Variants in PPME1 observed in about 807,000 individuals in gnomAD.
The protein encoded by PPME1 is testicular secretory protein Li 39.
Under a neutral mutation model 56.9 loss-of-function variants are expected in PPME1, and 17 were observed. The observed-to-expected ratio is 0.30, with a 90% CI of 0.20 to 0.45. The LOEUF is 0.45. PPME1 is among the 20% of genes least tolerant of loss of function. The pLI, the probability that PPME1 is intolerant of heterozygous loss-of-function variation, is 1.00. For missense variants in PPME1, 357 were observed against 483.2 expected (o/e 0.74, Z 2.45); for synonymous variants, 122 against 156.2 (o/e 0.78, Z 1.63).
intron 4 of PPME1, among the ~76,000 whole-genome samples, chr11:74,224,149 GC>G (rs1282644567): frequency 6.7e-6 from 1 of 148,852 alleles, no homozygotes; most frequent in Non-Finnish European, 1.5e-5. Flanking sequence ...TCCAGTGTCA[GC>G]TTTCTACATA....
intron 3 of PPME1, among the ~76,000 whole-genome samples, chr11:74,218,328 C>T (rs1858710549): frequency 6.6e-6 from 1 of 152,134 alleles, no homozygotes; most frequent in Admixed American, 6.6e-5. Flanking sequence ...GTCCGTAGCA[C>T]CCAAAACAAT....
At chr11:74,197,697 G>GTCTCCT (rs1858025037) in intron 1 of PPME1, among the ~76,000 whole-genome samples, 2 of 152,212 alleles carry the variant, frequency 1.3e-5, no homozygotes, top group African/African-American at 4.8e-5. Flanking sequence ...GAACTGATAA[G>GTCTCCT]AATGCAGTAT....
At chr11:74,174,408 A>G (rs1398232662) in intron 1 of PPME1, among the ~76,000 whole-genome samples, 2 of 152,148 alleles carry the variant, frequency 1.3e-5, no homozygotes, top group Non-Finnish European at 2.9e-5. Flanking sequence ...GTCGTAATTT[A>G]TGAAGTCTCA....
intron 1 of PPME1, among the ~76,000 whole-genome samples, chr11:74,183,933 G>A (rs1489632026): frequency 1.3e-5 from 2 of 152,156 alleles, no homozygotes; most frequent in Non-Finnish European, 2.9e-5. Context: ...CAATAGTTTA[G>A]AATTGTCCAT....
intron 1 of PPME1, among the ~76,000 whole-genome samples, chr11:74,200,759 G>A (rs900712539): frequency 2.6e-5 from 4 of 152,106 alleles, no homozygotes; most frequent in African/African-American, 7.2e-5. Context: ...TTTGGAGATG[G>A]AGAATTATTG....
chr11:74,237,487 G>GT (rs1859223475), intron 8 of PPME1, among the ~76,000 whole-genome samples: 1 of 151,976 alleles, frequency 6.6e-6, no homozygotes, highest in African/African-American at 2.4e-5. Flanking sequence ...GTGTTAGCCA[G>GT]GATGGTCTCT....
Position 74,193,647 on chromosome 11 carries a change from TCTTAA to T in PPME1, c.102-10077_102-10073del, listed in dbSNP as rs530798843. Among the ~76,000 whole-genome samples, 479 of 152,344 alleles carry T rather than the reference TCTTAA, an allele frequency of 3.1e-3. 3 individuals carry two copies. In the Middle Eastern group the frequency reaches 0.034, roughly 11 times the overall value. ...ACTTATTTACTCTTCCCTTCATATT[TCTTAA>T]CTTTTGTATTTTCCATCTTCTATTT... On this transcript the variant is annotated intron_variant, in intron 1 of 13. Coordinates refer to ENST00000328257, the MANE Select transcript of PPME1 (RefSeq NM_016147.3).
chr11:74,228,057 G>A (rs752498932), intron 5 of PPME1, among the ~76,000 whole-genome samples: 8 of 151,252 alleles, frequency 5.3e-5, no homozygotes, highest in South Asian at 2.1e-4. Context: ...GTTACCAACC[G>A]AAAGTTTCTT....
intron 8 of PPME1, among the ~76,000 whole-genome samples, chr11:74,236,344 A>T (rs940914039): frequency 6.6e-6 from 1 of 152,214 alleles, no homozygotes; most frequent in African/African-American, 2.4e-5. Flanking sequence ...GAATTATAAT[A>T]AAAAAGCTCT....
chr11:74,211,553 T>A (rs373013349), intron 3 of PPME1, among the ~76,000 whole-genome samples: 1 of 152,120 alleles, frequency 6.6e-6, no homozygotes, highest in East Asian at 1.9e-4. Flanking sequence ...GATACGACCT[T>A]AAAGCAGGCC....
At chr11:74,198,850 T>C (rs1214313334) in intron 1 of PPME1, 2 of 152,210 alleles carry the variant, frequency 1.3e-5, no homozygotes, top group East Asian at 1.9e-4. Flanking sequence ...GTTACGGCCA[T>C]AGACTGGCTC....
chr11:74,251,803 T>C, intron 13 of PPME1, 88 bp downstream of exon 13: 1 of 1,523,210 alleles, frequency 6.6e-7, no homozygotes. Flanking sequence ...ATCTCTGCCT[T>C]ACCCCTGCCT....
chr11:74,248,555 A>G (rs1367778586), intron 11 of PPME1: 2 of 152,178 alleles, frequency 1.3e-5, no homozygotes, highest in Admixed American at 1.3e-4. Flanking sequence ...CTTTAACTAC[A>G]TTGTATCCTG....
chr11:74,239,402 T>C, intron 9 of PPME1, 146 bp downstream of exon 9: 1 of 1,321,470 alleles, frequency 7.6e-7, no homozygotes, highest in Non-Finnish European at 1.0e-6. Flanking sequence ...ATACTTAGCT[T>C]AACTATAAGA....
At chr11:74,225,124 A>G (rs1345765213) in intron 4 of PPME1, 81 bp from the exon 5 acceptor site, 9 of 958,932 alleles carry the variant, frequency 9.4e-6, no homozygotes, top group Middle Eastern at 3.1e-4. Context: ...TTGTCCAAAG[A>G]TGATATTTTT....
rs938882305 is a variant in PPME1 at position 74,236,064 on chromosome 11, G to A, written c.710+98G>A. The A allele has an allele frequency of 8.0e-6, 12 of 1,495,758 alleles. No individual in the cohort carries two copies. The East Asian group carries it at 1.8e-4, about 22-fold the overall frequency. 92.7% of individuals were successfully genotyped at this position (1,495,758 alleles called of 1,614,324 possible). A position where few individuals can be genotyped will look rare whatever the true frequency, so the allele number is the denominator to read the frequency against. Reference sequence around the variant, plus strand: ...TGTCTTACACCAATTCTACCATTCCGGTAAATGCCTTTATTATTTTAAATA... The same window carrying A: ...TGTCTTACACCAATTCTACCATTCCAGTAAATGCCTTTATTATTTTAAATA... On this transcript the variant is annotated intron_variant, in intron 8 of 13. Coordinates refer to ENST00000328257, the MANE Select transcript of PPME1 (RefSeq NM_016147.3).
chr11:74,176,833 C>G (rs895435435), intron 1 of PPME1, among the ~76,000 whole-genome samples: 2 of 148,700 alleles, frequency 1.3e-5, no homozygotes, highest in African/African-American at 5.0e-5. Flanking sequence ...CGGGTTCAGG[C>G]GATTCTCCTG....
At chr11:74,238,856 A>G (rs541710411) in intron 8 of PPME1, 40 of 255,250 alleles carry the variant, frequency 1.6e-4, no homozygotes, top group Admixed American at 1.4e-3. Flanking sequence ...TGAAGATTAT[A>G]TAAGATTATG....
intron 1 of PPME1, among the ~76,000 whole-genome samples, chr11:74,184,313 G>C (rs1288124967): frequency 6.6e-6 from 1 of 152,002 alleles, no homozygotes; most frequent in Non-Finnish European, 1.5e-5. Context: ...TTATTAGCTG[G>C]GTTTCATAAA....
Sources: allele counts gnomAD v4.1 joint callset (sites outside exome capture counted in the v4.1 genomes callset), GRCh38; gene constraint gnomAD v4.1.1; transcripts MANE v1.5; gene names NCBI Gene and HGNC (gene_info 2026-07-23, HGNC 2026-07-21).